The following AOAH variants were observed in gnomAD, a reference collection of about 807,000 sequenced individuals.
AOAH encodes acyloxyacyl hydrolase (neutrophil).
A neutral mutation model predicts 92.2 loss-of-function variants in AOAH; 64 were observed. The observed-to-expected ratio is 0.69, with a 90% CI of 0.57 to 0.86. The LOEUF (loss-of-function observed/expected upper bound fraction) is 0.86. AOAH is among the 40% of genes least tolerant of loss of function. The pLI is 0.00. For missense variants in AOAH, 656 were observed against 694.6 expected (o/e 0.94, Z 0.62); for synonymous variants, 263 against 254.5 (o/e 1.03, Z -0.32).
intron 3 of AOAH, among the ~76,000 whole-genome samples, chr7:36,659,539 T>C (rs1177856641): frequency 6.6e-6 from 1 of 152,286 alleles, no homozygotes; most frequent in African/African-American, 2.4e-5. Flanking sequence ...GTGCTGGGAT[T>C]CTTTTCAGGC....
At chr7:36,678,600 T>TGTGTGTGTGTGCGCGCGCGC (rs549317369) in intron 2 of AOAH, among the ~76,000 whole-genome samples, 6 of 131,032 alleles carry the variant, frequency 4.6e-5, no homozygotes, top group Non-Finnish European at 8.5e-5. Flanking sequence ...TGTGTGTGTG[T>TGTGTGTGTGTGCGCGCGCGC]GCGCGCGCGC....
chr7:36,718,175 G>T (rs1049113099), intron 1 of AOAH, among the ~76,000 whole-genome samples: 4 of 151,914 alleles, frequency 2.6e-5, no homozygotes, highest in Non-Finnish European at 5.9e-5. Flanking sequence ...TTTCAAAGAA[G>T]ATATACAAAT....
intron 1 of AOAH, among the ~76,000 whole-genome samples, chr7:36,716,970 T>TAATAAATAAATAAATAAATA (rs200867596): frequency 7.0e-6 from 1 of 142,762 alleles, no homozygotes; most frequent in Non-Finnish European, 1.5e-5. Flanking sequence ...ACTTAAAGTA[T>TAATAAATAAATAAATAAATA]AATAAATAAA....
intron 1 of AOAH, among the ~76,000 whole-genome samples, chr7:36,687,568 T>A (rs1797119277): frequency 6.6e-6 from 1 of 151,990 alleles, no homozygotes; most frequent in Non-Finnish European, 1.5e-5. Flanking sequence ...AAAGGGACTC[T>A]TTTTTTCGTA....
rs1791735064 is a variant in AOAH at position 36,614,727 on chromosome 7, A to G, written c.846+1653T>C. On this transcript the variant is annotated intron_variant, in intron 11 of 20. Coordinates refer to ENST00000617537, the MANE Select transcript of AOAH (RefSeq NM_001637.4). This position sits in a 1 kb window ranked among gnomAD's most constrained non-coding sequence, Gnocchi z 4.2. ...GGCAAGAGGAAGATTGGGGTTGGGC[A>G]TGGTGGCAGCTGTCACCTGCCCCAG... 1.3e-5 allele frequency among the ~76,000 whole-genome samples: 2 copies of G among 152,358 alleles called. No individual in the cohort carries two copies. Among genetic ancestry groups the G allele is most frequent in the Non-Finnish European group, 2.9e-5 (2 of 68,034 alleles).
At chr7:36,530,556 C>T (rs758093873) in intron 18 of AOAH, 42 bp from the exon 19 acceptor site, 3 of 1,404,382 alleles carry the variant, frequency 2.1e-6, no homozygotes, top group South Asian at 1.2e-5. Context: ...GAAATCTAGA[C>T]TTTGGCTTTA....
intron 16 of AOAH, 97 bp downstream of exon 16, chr7:36,540,221 GC>G: frequency 8.6e-7 from 1 of 1,163,512 alleles, no homozygotes; most frequent in Non-Finnish European, 1.2e-6. Context: ...TTCCATGATG[GC>G]ATTTTAGGCA....
intron 1 of AOAH, among the ~76,000 whole-genome samples, chr7:36,699,670 A>T (rs1797919350): frequency 4.7e-5 from 6 of 126,468 alleles, no homozygotes; most frequent in Admixed American, 1.7e-4. Context: ...GAGCTATTTG[A>T]GCTTCTTATA....
chr7:36,722,475 TG>T (rs1799692180), intron 1 of AOAH, among the ~76,000 whole-genome samples: 1 of 152,202 alleles, frequency 6.6e-6, no homozygotes, highest in African/African-American at 2.4e-5. Context: ...TTCCATTTGA[TG>T]GGCAGTAGGG....
intron 1 of AOAH, among the ~76,000 whole-genome samples, chr7:36,719,753 AG>A (rs1799499360): frequency 6.6e-6 from 1 of 152,104 alleles, no homozygotes; most frequent in South Asian, 2.1e-4. Flanking sequence ...CAACATAATG[AG>A]ACCCTGTCTC....
chr7:36,611,613 G>A (rs1341492117), intron 11 of AOAH, among the ~76,000 whole-genome samples: 1 of 152,166 alleles, frequency 6.6e-6, no homozygotes, highest in Admixed American at 6.5e-5. Flanking sequence ...TGCAGAGTGA[G>A]CCACTGTCCT....
At position 36,516,119 on chromosome 7, in the gene AOAH, CACACCACACACAGAT is replaced by C. The variant is rs1307966440; in HGVS notation, c.1600-2754_1600-2740del. ...ACACACCACACAGATACATCACACA[CACACCACACACAGAT>C]ACACCACACACATCTCACACACACA... On this transcript the variant is annotated intron_variant, in intron 20 of 20. Transcript: ENST00000617537. The surrounding 1 kb of genome is among the most constrained non-coding windows in gnomAD (Gnocchi z 5.0). Among the ~76,000 whole-genome samples, 32 of 149,986 alleles carry C rather than the reference CACACCACACACAGAT, an allele frequency of 2.1e-4. No individual in the cohort carries two copies. The highest frequency in any genetic ancestry group is 4.0e-4 in the Non-Finnish European group (27 of 67,286).
intron 12 of AOAH, among the ~76,000 whole-genome samples, chr7:36,585,721 T>A (rs1263146868): frequency 6.6e-6 from 1 of 152,200 alleles, no homozygotes; most frequent in Non-Finnish European, 1.5e-5. Flanking sequence ...ATAGCCTTTA[T>A]GGGAAAATCC....
At chr7:36,672,972 T>C (rs1462403699) in intron 3 of AOAH, among the ~76,000 whole-genome samples, 2 of 152,162 alleles carry the variant, frequency 1.3e-5, no homozygotes, top group South Asian at 2.1e-4. Context: ...ATTTTTTTTA[T>C]AGAAAGCAGA....
chr7:36,642,075 A>G, intron 4 of AOAH, among the ~76,000 whole-genome samples: 1 of 152,166 alleles, frequency 6.6e-6, no homozygotes, highest in Admixed American at 6.5e-5. Context: ...CTAAATTCAT[A>G]TCTGAGATCA....
intron 13 of AOAH, among the ~76,000 whole-genome samples, chr7:36,574,859 T>TC (rs1454018820): frequency 2.0e-5 from 3 of 152,238 alleles, no homozygotes; most frequent in East Asian, 3.8e-4. Flanking sequence ...ACCTTTTTTT[T>TC]CCCTTTCTTT....
At chr7:36,714,556 A>G (rs1798999850) in intron 1 of AOAH, among the ~76,000 whole-genome samples, 1 of 152,214 alleles carries the variant, frequency 6.6e-6, no homozygotes, top group African/African-American at 2.4e-5. Context: ...ATCCCTGATG[A>G]ACATCGATGC....
At chr7:36,659,332 G>A in intron 3 of AOAH, 67 bp from the exon 4 acceptor site, 1 of 1,304,352 alleles carries the variant, frequency 7.7e-7, no homozygotes. Context: ...AGAAGCTACT[G>A]CAAAGAAAGG....
intron 4 of AOAH, among the ~76,000 whole-genome samples, 183 bp downstream of exon 4, chr7:36,658,983 A>T (rs1004963266): frequency 2.0e-5 from 3 of 152,230 alleles, no homozygotes; most frequent in Non-Finnish European, 4.4e-5. Flanking sequence ...TCTTTCTAGC[A>T]TGGTAGTATG....
Sources: allele counts gnomAD v4.1 joint callset (sites outside exome capture counted in the v4.1 genomes callset), GRCh38; gene constraint gnomAD v4.1.1; non-coding constraint Gnocchi (gnomAD v3.1); transcripts MANE v1.5; gene names NCBI Gene and HGNC (gene_info 2026-07-23, HGNC 2026-07-21).